The following LARGE1 variants were observed in gnomAD, a reference collection of about 807,000 sequenced individuals.
LARGE1 encodes the protein xylosyl- and glucuronyltransferase LARGE1.
LARGE1 carries 43 observed loss-of-function variants against 87.6 expected under a neutral mutation model. That is an observed-to-expected ratio of 0.49 (90% confidence interval 0.38 to 0.63). The LOEUF (loss-of-function observed/expected upper bound fraction) is 0.63, where lower values mean the gene tolerates loss of function less well. Among genes scored for constraint, LARGE1 ranks in the 30% least tolerant of loss-of-function variants. LARGE1 has a pLI of 0.00. For synonymous variants in LARGE1, 434 were observed against 394.6 expected (o/e 1.10, Z -1.18); for missense variants, 802 against 1,000.2 (o/e 0.80, Z 2.67).
At chr22:33,765,434 T>C (rs2084869414) in intron 1 of LARGE1, among the ~76,000 whole-genome samples, 1 of 152,146 alleles carries the variant, frequency 6.6e-6, no homozygotes, top group African/African-American at 2.4e-5. Flanking sequence ...CTGGGTGCAG[T>C]GGCTCACACC....
At chr22:33,160,323 T>C (rs951591770), downstream of LARGE1, among the ~76,000 whole-genome samples, 2 of 152,210 alleles carry the variant, frequency 1.3e-5, no homozygotes, top group Admixed American at 6.5e-5. Flanking sequence ...AGTCTGTGTA[T>C]CTGCATTCAG....
At chr22:33,428,386 G>A (rs1022387897) in intron 7 of LARGE1, among the ~76,000 whole-genome samples, 2 of 150,416 alleles carry the variant, frequency 1.3e-5, no homozygotes, top group Admixed American at 6.6e-5. Context: ...CATGATCTCG[G>A]CTCACTGCAA....
intron 1 of LARGE1, among the ~76,000 whole-genome samples, chr22:33,772,225 C>T (rs920348259): frequency 2.0e-5 from 3 of 151,796 alleles, no homozygotes; most frequent in Non-Finnish European, 4.4e-5. Flanking sequence ...CCCAGCTACT[C>T]GGGAAGCTGA....
At chr22:33,247,176 AC>A (rs1461539710) in intron 11 of LARGE1, among the ~76,000 whole-genome samples, 1 of 152,070 alleles carries the variant, frequency 6.6e-6, no homozygotes, top group East Asian at 1.9e-4. Context: ...TTAAAAAAAA[AC>A]AAAACCAAAA....
At chr22:33,225,195 C>T (rs966051227) in intron 11 of LARGE1, among the ~76,000 whole-genome samples, 5 of 152,102 alleles carry the variant, frequency 3.3e-5, no homozygotes, top group Non-Finnish European at 7.3e-5. Flanking sequence ...ATGATAGAGA[C>T]CAACCAGGAG....
intron 1 of LARGE1, among the ~76,000 whole-genome samples, chr22:33,809,552 A>G (rs949255677): frequency 6.6e-6 from 1 of 152,228 alleles, no homozygotes; most frequent in African/African-American, 2.4e-5. Flanking sequence ...TGGGCCTCAC[A>G]TTCTGCATGT....
chr22:33,269,453 C>T (rs1928129610), downstream of LARGE1, among the ~76,000 whole-genome samples: 1 of 152,108 alleles, frequency 6.6e-6, no homozygotes, highest in Non-Finnish European at 1.5e-5. Flanking sequence ...TGAGTAGATG[C>T]TCAATACATT....
At chr22:33,535,209 G>GC (rs1381945420) in intron 6 of LARGE1, among the ~76,000 whole-genome samples, 1 of 152,168 alleles carries the variant, frequency 6.6e-6, no homozygotes, top group Non-Finnish European at 1.5e-5. Flanking sequence ...ACAATGAAGT[G>GC]CGTGTGTCCG....
intron 11 of LARGE1, among the ~76,000 whole-genome samples, chr22:33,212,155 TA>T (rs200141697): frequency 0.021 from 3,019 of 143,186 alleles, 96 homozygotes; most frequent in South Asian, 0.13. Context: ...TTTTCAAGGT[TA>T]AAAAAAAAAA....
At chr22:33,089,004 T>C in the LARGE1 span, among the ~76,000 whole-genome samples, 1 of 152,206 alleles carries the variant, frequency 6.6e-6, no homozygotes, top group African/African-American at 2.4e-5. Context: ...GATGAGCTTC[T>C]GGGAATTTCC....
At chr22:33,578,260 G>T (rs1451708744) in intron 5 of LARGE1, among the ~76,000 whole-genome samples, 1 of 152,118 alleles carries the variant, frequency 6.6e-6, no homozygotes, top group Non-Finnish European at 1.5e-5. Context: ...AAGTAGTATA[G>T]AAGACGGTAC....
intron 1 of LARGE1, among the ~76,000 whole-genome samples, chr22:33,778,931 G>A (rs969996733): frequency 1.3e-5 from 2 of 152,132 alleles, no homozygotes; most frequent in South Asian, 2.1e-4. Context: ...GATTACCAGC[G>A]TGAGCCACCG....
chr22:33,670,893 C>T (rs1357106179), intron 2 of LARGE1, among the ~76,000 whole-genome samples: 1 of 152,024 alleles, frequency 6.6e-6, no homozygotes, highest in East Asian at 1.9e-4. Flanking sequence ...GTTGTTAGGA[C>T]ATAAATGCTT....
intron 2 of LARGE1, among the ~76,000 whole-genome samples, chr22:33,743,385 A>T (rs752622627): frequency 6.6e-6 from 1 of 151,886 alleles, no homozygotes; most frequent in Non-Finnish European, 1.5e-5. Flanking sequence ...CTTCCCACCG[A>T]CCTCTCTGCC....
chr22:33,188,027 A>G (rs1923580100), intron 11 of LARGE1, among the ~76,000 whole-genome samples: 1 of 149,372 alleles, frequency 6.7e-6, no homozygotes, highest in Admixed American at 6.8e-5. Context: ...TGTCTATATT[A>G]ATTAGCTTGA....
chr22:33,129,267 G>A, the LARGE1 span, among the ~76,000 whole-genome samples: 1 of 152,108 alleles, frequency 6.6e-6, no homozygotes, highest in Non-Finnish European at 1.5e-5. Context: ...TTACAAAGGG[G>A]TAGCATGAGG....
intron 2 of LARGE1, among the ~76,000 whole-genome samples, chr22:33,691,549 C>G (rs555926656): frequency 2.0e-4 from 31 of 152,210 alleles, no homozygotes; most frequent in African/African-American, 6.5e-4. Flanking sequence ...GGGCAGGAAA[C>G]AAGTCAGTCA....
At chr22:33,350,134 T>C (rs149195099) in intron 9 of LARGE1, among the ~76,000 whole-genome samples, 1 of 152,332 alleles carries the variant, frequency 6.6e-6, no homozygotes, top group Non-Finnish European at 1.5e-5. Flanking sequence ...GGGAAGGTCA[T>C]GAATCCATGA....
upstream of LARGE1, among the ~76,000 whole-genome samples, chr22:33,921,095 G>A (rs2065937519): frequency 1.3e-5 from 2 of 150,578 alleles, no homozygotes; most frequent in African/African-American, 4.8e-5. This position sits in a 1 kb window ranked among gnomAD's most constrained non-coding sequence, Gnocchi z 4.1. Context: ...CGCCCGCGTC[G>A]GCGCCCGCCC....
Sources: allele counts gnomAD v4.1 joint callset (sites outside exome capture counted in the v4.1 genomes callset), GRCh38; gene constraint gnomAD v4.1.1; non-coding constraint Gnocchi (gnomAD v3.1); transcripts MANE v1.5; gene names NCBI Gene and HGNC (gene_info 2026-07-23, HGNC 2026-07-21).